The following ESRRG variants were observed in gnomAD, a reference collection of about 807,000 sequenced individuals.
The protein encoded by ESRRG is estrogen-related receptor gamma.
In ESRRG, 13 loss-of-function variants were observed where a neutral mutation model predicts 44.0. That is an observed-to-expected ratio of 0.30 (90% CI 0.19 to 0.47). The LOEUF (loss-of-function observed/expected upper bound fraction) is 0.47, where lower values mean the gene tolerates loss of function less well. Ranked by LOEUF, ESRRG falls within the 20% of genes least tolerant of loss-of-function variation. The probability of loss-of-function intolerance (pLI) is 1.00; values close to 1 mark genes in which losing one functional copy is unlikely to be tolerated. For missense variants in ESRRG, 395 were observed against 580.6 expected, an observed-to-expected ratio of 0.68 and a Z score of 3.29; for synonymous variants, 215 against 214.6, an observed-to-expected ratio of 1.00 and a Z score of -0.02.
Position 216,762,711 on chromosome 1 carries a change from A to AAAATAAATAAAT in ESRRG, c.-13-85232_-13-85221dup, listed in dbSNP as rs768532140. On this transcript the variant is annotated intron_variant, in intron 2 of 7. Transcript: ENST00000359162. The stretch of plus-strand genomic sequence containing the variant: ...CCTAAAACTTAAAGTATAATAATAA[A>AAAATAAATAAAT]AAATAAATAAATAAATAAATAAAAA... 2.1e-3 allele frequency among the ~76,000 whole-genome samples: 316 copies of AAAATAAATAAAT among 151,646 alleles called. 2 individuals carry two copies. The highest frequency in any genetic ancestry group is 7.2e-3 in the African/African-American group (300 of 41,414).
At chr1:217,063,523 G>A (rs1488660162) in intron 1 of ESRRG, among the ~76,000 whole-genome samples, 4 of 152,128 alleles carry the variant, frequency 2.6e-5, no homozygotes, top group South Asian at 4.1e-4. Context: ...ACCCAACCAC[G>A]TGGGGCCTAC....
intron 1 of ESRRG, among the ~76,000 whole-genome samples, chr1:217,104,465 T>C (rs1580585354): frequency 6.6e-6 from 1 of 152,298 alleles, no homozygotes; most frequent in East Asian, 1.9e-4. Flanking sequence ...CCGAGTGGCC[T>C]TGGGTAATTC....
chr1:216,966,475 G>A (rs993638351), intron 1 of ESRRG, among the ~76,000 whole-genome samples: 1 of 152,106 alleles, frequency 6.6e-6, no homozygotes, highest in Non-Finnish European at 1.5e-5. Flanking sequence ...CTTGTAAACA[G>A]AAACCAGAAG....
intron 2 of ESRRG, among the ~76,000 whole-genome samples, chr1:216,826,757 C>A (rs546040974): frequency 6.6e-6 from 1 of 152,096 alleles, no homozygotes; most frequent in African/African-American, 2.4e-5. Flanking sequence ...CAGATTTGAT[C>A]CCAGAGTCTT....
In ESRRG at chr1:216,656,243, A is replaced by G. The variant is rs377284071; in HGVS notation, c.473-5154T>C. On this transcript the variant is annotated intron_variant, in intron 2 of 6. Coordinates refer to ENST00000408911, the MANE Select transcript of ESRRG (RefSeq NM_001438.4). ...CTATTTTCTGGGACACATTTGTTAG[A>G]TGGCACCAGGGACTGAATTGGGCAG... Among the ~76,000 whole-genome samples the G allele has an allele frequency of 1.2e-4, 18 of 152,256 alleles. No homozygotes were observed. In the East Asian group the frequency reaches 1.4e-3, roughly 11 times the overall value.
At position 217,024,814 on chromosome 1, in the gene ESRRG, G is replaced by C. The variant is rs540975884; in HGVS notation, c.-106+64693C>G. Among the ~76,000 whole-genome samples the C allele has an allele frequency of 2.0e-5, 3 of 152,236 alleles. 1 individual carries two copies. The South Asian group carries it at 6.3e-4, about 32-fold the overall frequency. On this transcript the variant is annotated intron_variant, in intron 1 of 7. Transcript: ENST00000359162. ...ATATTCACAACAGCTCTATGAGGGA[G>C]GCACTATTATTGTCTGCGTTTTATT...
At chr1:216,561,319 G>A (rs966718319) in intron 5 of ESRRG, among the ~76,000 whole-genome samples, 2 of 152,010 alleles carry the variant, frequency 1.3e-5, no homozygotes, top group Non-Finnish European at 2.9e-5. Context: ...TACAAACCGA[G>A]AACAGCATAA....
chr1:217,002,319 GAAAGAAAAAAAAA>G (rs2077142207), intron 1 of ESRRG, among the ~76,000 whole-genome samples: 1 of 75,634 alleles, frequency 1.3e-5, no homozygotes, highest in East Asian at 5.5e-4. Context: ...AAAAAAGAAA[GAAAGAAAAAAAAA>G]AAAGAAAGAA....
chr1:216,702,114 G>A (rs907943684), intron 1 of ESRRG, among the ~76,000 whole-genome samples: 15 of 151,794 alleles, frequency 9.9e-5, no homozygotes, highest in African/African-American at 3.4e-4. Flanking sequence ...TTTTCTTCTG[G>A]GTATCTCCTT....
At chr1:216,700,952 C>T (rs2081279676) in intron 1 of ESRRG, among the ~76,000 whole-genome samples, 1 of 152,116 alleles carries the variant, frequency 6.6e-6, no homozygotes, top group East Asian at 1.9e-4. Context: ...AGGAGTCACA[C>T]ATGCAAAAGA....
chr1:216,708,199 A>G (rs1388106664), intron 1 of ESRRG, among the ~76,000 whole-genome samples: 2 of 151,814 alleles, frequency 1.3e-5, no homozygotes, highest in Non-Finnish European at 2.9e-5. Context: ...AAAGTCTCAG[A>G]AAAAAAAGCC....
At chr1:216,629,722 C>T (rs1296737259) in intron 3 of ESRRG, among the ~76,000 whole-genome samples, 1 of 152,104 alleles carries the variant, frequency 6.6e-6, no homozygotes, top group African/African-American at 2.4e-5. Flanking sequence ...AACAGTTATG[C>T]AAAACTTAAG....
chr1:216,535,123 A>C (rs1572479637), intron 5 of ESRRG, among the ~76,000 whole-genome samples: 1 of 152,156 alleles, frequency 6.6e-6, no homozygotes, highest in East Asian at 1.9e-4. Context: ...TTGAAGTGAC[A>C]TCAAGTCTCC....
intron 2 of ESRRG, among the ~76,000 whole-genome samples, chr1:216,828,891 T>G (rs1363701085): frequency 6.6e-6 from 1 of 152,202 alleles, no homozygotes. Flanking sequence ...TTGATCATGG[T>G]GCACATTTCA....
chr1:216,611,127 C>T (rs1189711636), intron 3 of ESRRG, among the ~76,000 whole-genome samples: 7 of 138,836 alleles, frequency 5.0e-5, no homozygotes, highest in Non-Finnish European at 1.1e-4. Flanking sequence ...CTCTTGAACC[C>T]GGGAGGTGGA....
At chr1:216,960,274 A>C (rs2818787) in intron 1 of ESRRG, among the ~76,000 whole-genome samples, 22,146 of 152,180 alleles carry the variant, frequency 0.15, 1,787 homozygotes, top group Middle Eastern at 0.26. Flanking sequence ...ATAATAACAG[A>C]ATAAACTCTC....
intron 2 of ESRRG, among the ~76,000 whole-genome samples, chr1:216,797,553 G>A (rs989110694): frequency 6.6e-6 from 1 of 152,014 alleles, no homozygotes; most frequent in African/African-American, 2.4e-5. Context: ...GTAAAGGGGG[G>A]AAAAAAATCC....
At chr1:216,547,976 G>A (rs1009899638) in intron 5 of ESRRG, among the ~76,000 whole-genome samples, 1 of 151,984 alleles carries the variant, frequency 6.6e-6, no homozygotes, top group Non-Finnish European at 1.5e-5. Context: ...ACTCATTAGG[G>A]GTTCCTGGCA....
intron 1 of ESRRG, among the ~76,000 whole-genome samples, chr1:217,039,567 C>G (rs917821846): frequency 3.3e-5 from 5 of 152,126 alleles, no homozygotes; most frequent in African/African-American, 1.2e-4. Context: ...ACAAGAACAG[C>G]AAGGGAAAGA....
Sources: allele counts gnomAD v4.1 joint callset (sites outside exome capture counted in the v4.1 genomes callset), GRCh38; gene constraint gnomAD v4.1.1; transcripts MANE v1.5; gene names NCBI Gene and HGNC (gene_info 2026-07-23, HGNC 2026-07-21).